The following NCOR2 variants were observed in gnomAD, a reference collection of about 807,000 sequenced individuals.
The protein encoded by NCOR2 is nuclear receptor corepressor 2, also known as CTG repeat protein 26.
Under a neutral mutation model 262.9 loss-of-function variants are expected in NCOR2, and 81 were observed. That is an observed-to-expected ratio of 0.31 (90% CI 0.26 to 0.37). NCOR2 has a LOEUF of 0.37. Ranked by LOEUF, NCOR2 falls within the 10% of genes least tolerant of loss-of-function variation. The pLI is 1.00. For synonymous variants in NCOR2, 1,659 were observed against 1,559.3 expected, an observed-to-expected ratio of 1.06 and a Z score of -1.51; for missense variants, 3,385 against 3,621.4, an observed-to-expected ratio of 0.93 and a Z score of 1.68.
intron 1 of NCOR2, among the ~76,000 whole-genome samples, chr12:124,500,921 C>G (rs951407806): frequency 6.6e-6 from 1 of 152,134 alleles, no homozygotes; most frequent in African/African-American, 2.4e-5. Context: ...ACGCGGGGCT[C>G]TGCGCCGCAC....
At chr12:124,391,466 A>G (rs2041298423) in intron 16 of NCOR2, among the ~76,000 whole-genome samples, 1 of 150,090 alleles carries the variant, frequency 6.7e-6, no homozygotes, top group African/African-American at 2.5e-5. Context: ...GGCCTGAGTC[A>G]TGCCACTTCC....
chr12:124,515,654 TGTGA>T (rs1039573553), intron 1 of NCOR2, among the ~76,000 whole-genome samples: 23 of 88,566 alleles, frequency 2.6e-4, no homozygotes, highest in Non-Finnish European at 3.2e-4. Context: ...TGCATATGAG[TGTGA>T]GTGTGCATGT....
intron 10 of NCOR2, among the ~76,000 whole-genome samples, chr12:124,428,955 A>C (rs1200343752): frequency 2.6e-5 from 4 of 152,122 alleles, no homozygotes; most frequent in Non-Finnish European, 5.9e-5. Context: ...GCTGACACCA[A>C]CTTCCTCCCC....
chr12:124,437,886 C>T (rs753062644), intron 8 of NCOR2, 44 bp downstream of exon 10: 31 of 1,580,218 alleles, frequency 2.0e-5, no homozygotes, highest in Non-Finnish European at 2.6e-5. Flanking sequence ...TCGATTCTCC[C>T]CAGATCTCAA....
intron 3 of NCOR2, among the ~76,000 whole-genome samples, chr12:124,480,790 G>A (rs2047415436): frequency 6.8e-6 from 1 of 147,990 alleles, no homozygotes; most frequent in African/African-American, 2.5e-5. Flanking sequence ...TGGGCTCACA[G>A]GACCCTGGAC....
chr12:124,417,373 CACCCCCCACCCTTCTTAAATT>C (rs1020063636), intron 13 of NCOR2, among the ~76,000 whole-genome samples: 2 of 152,214 alleles, frequency 1.3e-5, no homozygotes, highest in Non-Finnish European at 2.9e-5. Flanking sequence ...CGGGCACCGA[CACCCCCCACCCTTCTTAAATT>C]ACCATGGTCT....
At chr12:124,456,817 T>C (rs1383336007) in intron 6 of NCOR2, among the ~76,000 whole-genome samples, 1 of 152,150 alleles carries the variant, frequency 6.6e-6, no homozygotes, top group African/African-American at 2.4e-5. Context: ...GTGACTCTCC[T>C]CACAGCCCGA....
At chr12:124,327,413 C>T (rs767476013) in exon 45 of NCOR2, 108 of 1,608,030 alleles carry the variant, frequency 6.7e-5, no homozygotes, top group Non-Finnish European at 8.2e-5. Context: ...GCAGACCTGG[C>T]GAGGTGAGTG....
chr12:124,400,177 A>G lies in NCOR2; in HGVS notation c.1813+324T>C, dbSNP rs12582037. On this transcript the variant is annotated intron_variant, in intron 15 of 46. Coordinates refer to ENST00000405201, the Ensembl canonical transcript of NCOR2. The stretch of plus-strand genomic sequence containing the variant: ...CCTGCTCTGAAATCACTGTGGTTGA[A>G]GCCACTGAACTCTTCCTACACCCCA... 4.0e-3 allele frequency among the ~76,000 whole-genome samples: 616 copies of G among 152,278 alleles called. 9 individuals are homozygous for G. In the East Asian group the frequency reaches 0.07, roughly 17 times the overall value.
At chr12:124,363,945 C>T (rs551641296) in intron 20 of NCOR2, 146 bp from the exon 23 acceptor site, 5 of 602,592 alleles carry the variant, frequency 8.3e-6, no homozygotes, top group Admixed American at 4.3e-5. Flanking sequence ...GTGCAGCTCA[C>T]CCAGATAATG....
rs1246474496 is a variant in NCOR2 at position 124,399,472 on chromosome 12, G to A, written c.1813+1029C>T. Among the ~76,000 whole-genome samples the A allele has an allele frequency of 2.6e-5, 4 of 152,222 alleles. No individual in the cohort carries two copies. The South Asian group carries it at 8.3e-4, about 32-fold the overall frequency. ...CCAAGTACACCGCCACCAAGAGGCAGCTGGAAAATATCTGCAGGAGCTGCA... is the reference window on the plus strand; with the variant it reads ...CCAAGTACACCGCCACCAAGAGGCAACTGGAAAATATCTGCAGGAGCTGCA... On this transcript the variant is annotated intron_variant, in intron 15 of 46. Coordinates refer to ENST00000405201, the Ensembl canonical transcript of NCOR2.
chr12:124,464,042 A>G (rs2046311926), intron 5 of NCOR2, among the ~76,000 whole-genome samples: 1 of 152,244 alleles, frequency 6.6e-6, no homozygotes, highest in Admixed American at 6.5e-5. Context: ...TTCCATTCAT[A>G]ATAAACAGAA....
intron 17 of NCOR2, among the ~76,000 whole-genome samples, chr12:124,384,671 T>G (rs1481264669): frequency 1.3e-5 from 2 of 152,144 alleles, no homozygotes; most frequent in Non-Finnish European, 2.9e-5. Flanking sequence ...CACTGCAGGC[T>G]GTGTGACCTC....
At chr12:124,510,321 AG>A in intron 1 of NCOR2, among the ~76,000 whole-genome samples, 1 of 152,350 alleles carries the variant, frequency 6.6e-6, no homozygotes, top group East Asian at 1.9e-4. Flanking sequence ...AGGGAGGAGC[AG>A]GGCAGCGGGA....
intron 8 of NCOR2, among the ~76,000 whole-genome samples, chr12:124,436,936 A>C (rs547481940): frequency 6.6e-6 from 1 of 152,096 alleles, no homozygotes; most frequent in South Asian, 2.1e-4. Context: ...AAATACAAAA[A>C]TTAGCCGGGC....
chr12:124,450,690 G>A (rs888970758), intron 6 of NCOR2, among the ~76,000 whole-genome samples: 4 of 152,204 alleles, frequency 2.6e-5, no homozygotes, highest in African/African-American at 4.8e-5. Flanking sequence ...CAGAAAGCAC[G>A]GCAGCATCTG....
rs139504838 is a variant in NCOR2, at chr12:124,338,088, C to T, written c.5688-908G>A. ...CAAAGTCGCCACTGCTTTTGGGAAA[C>T]GATGCCATTTTTCATAATTGAAATA... On this transcript the variant is annotated intron_variant, in intron 37 of 46. Transcript: ENST00000405201. Among the ~76,000 whole-genome samples, 1,225 of 152,312 alleles carry T rather than the reference C, an allele frequency of 8.0e-3. 17 individuals carry two copies. Among genetic ancestry groups the T allele is most frequent in the African/African-American group, 0.028 (1,149 of 41,560 alleles).
chr12:124,355,034 G>T, intron 24 of NCOR2, 95 bp from the exon 27 acceptor site: 2 of 1,048,644 alleles, frequency 1.9e-6, no homozygotes, highest in Non-Finnish European at 1.4e-6. Flanking sequence ...CCCACGTGTG[G>T]GTCAGAGGCT....
In NCOR2 at chr12:124,343,008, C is replaced by T. The variant is rs1423915563; in HGVS notation, c.4933G>A (p.Ala1645Thr). The T allele has an allele frequency of 1.4e-5, 23 of 1,610,368 alleles. No individual in the cohort carries two copies. The highest frequency in any genetic ancestry group is 1.3e-4 in the East Asian group (6 of 44,876). Residue 1645 changes from alanine to threonine, a missense_variant, in exon 33 of 47, where the codon GCA becomes ACA. By Grantham distance (58) the Ala-to-Thr change is moderately conservative. This residue lies in a region of NCOR2 where 1,615 missense variants were observed against 1,626.9 expected (regional missense o/e 0.99). Transcript: ENST00000405201. ...CTGGGAGCCCCAGGGCAATCACCTG[C>T]GTCCAGAGGGATGCCGCGGGGTATG...
Sources: allele counts gnomAD v4.1 joint callset (sites outside exome capture counted in the v4.1 genomes callset), GRCh38; gene constraint gnomAD v4.1.1; regional missense constraint gnomAD v4.1.1; transcripts MANE v1.5; gene names NCBI Gene and HGNC (gene_info 2026-07-23, HGNC 2026-07-21).